The following ACOT7 variants were observed in gnomAD, a reference collection of about 807,000 sequenced individuals.
The protein encoded by ACOT7 is cytosolic acyl coenzyme A thioester hydrolase.
ACOT7 carries 12 observed loss-of-function variants against 40.2 expected under a neutral mutation model. The observed-to-expected ratio is 0.30, with a 90% CI of 0.19 to 0.48. ACOT7 has a LOEUF of 0.48. Ranked by LOEUF, ACOT7 falls within the 20% of genes least tolerant of loss-of-function variation. The pLI, the probability that ACOT7 is intolerant of heterozygous loss-of-function variation, is 0.99. For missense variants in ACOT7, 395 were observed against 530.8 expected, an observed-to-expected ratio of 0.74 and a Z score of 2.51; for synonymous variants, 228 against 219.5, an observed-to-expected ratio of 1.04 and a Z score of -0.34.
At position 6,264,544 on chromosome 1, in the gene ACOT7, C is replaced by T; in HGVS notation, c.*53G>A. 2 of 1,551,712 alleles carry T rather than the reference C, an allele frequency of 1.3e-6. No homozygotes were observed. The highest frequency in any genetic ancestry group is 2.3e-5 in the East Asian group (1 of 43,692). On this transcript the variant is annotated 3_prime_UTR_variant, in exon 9 of 9. Coordinates refer to ENST00000361521, the MANE Select transcript of ACOT7 (RefSeq NM_007274.4). ...AGGGGGGAACTTCTAAGTGACTGGACACTGGGCCCGTTGCCATGGCTACTC... is the reference window on the plus strand; with the variant it reads ...AGGGGGGAACTTCTAAGTGACTGGATACTGGGCCCGTTGCCATGGCTACTC...
chr1:6,267,489 C>G (rs1638887405), intron 8 of ACOT7, among the ~76,000 whole-genome samples: 1 of 152,202 alleles, frequency 6.6e-6, no homozygotes, highest in Non-Finnish European at 1.5e-5. Context: ...GCCTGCCTGT[C>G]TGTGTCTGCA....
intron 6 of ACOT7, among the ~76,000 whole-genome samples, chr1:6,315,230 C>A (rs144059139): frequency 6.6e-6 from 1 of 152,220 alleles, no homozygotes; most frequent in African/African-American, 2.4e-5. Flanking sequence ...CGCAGCTTTG[C>A]GCAGTCTAGA....
intron 7 of ACOT7, among the ~76,000 whole-genome samples, chr1:6,293,663 T>A (rs766502904): frequency 3.9e-5 from 6 of 152,228 alleles, no homozygotes; most frequent in Non-Finnish European, 7.3e-5. Context: ...ATTGCACCAC[T>A]GTACTCCGGC....
chr1:6,332,254 T>C (rs1371107608), intron 4 of ACOT7, among the ~76,000 whole-genome samples: 31 of 152,316 alleles, frequency 2.0e-4, no homozygotes, highest in Non-Finnish European at 1.0e-4. Flanking sequence ...TCCTGGTTCC[T>C]TCCCTCTAAG....
intron 7 of ACOT7, among the ~76,000 whole-genome samples, chr1:6,291,651 A>G (rs560281764): frequency 5.9e-5 from 9 of 152,296 alleles, no homozygotes; most frequent in African/African-American, 2.2e-4. Context: ...GATAGTCCAC[A>G]ATAATGTGTG....
chr1:6,370,533 G>A (rs994371004), intron 1 of ACOT7, among the ~76,000 whole-genome samples: 4 of 150,122 alleles, frequency 2.7e-5, no homozygotes, highest in Non-Finnish European at 5.9e-5. Flanking sequence ...TCTGTCACCT[G>A]GCCTGGAGTG....
intron 8 of ACOT7, 133 bp from the exon 9 acceptor site, chr1:6,264,828 C>A (rs1341586896): frequency 3.4e-6 from 3 of 895,418 alleles, no homozygotes; most frequent in Middle Eastern, 2.9e-4. Flanking sequence ...GAGTACCACG[C>A]CTCGGCCCCG....
At chr1:6,375,236 C>A (rs1161982458) in intron 1 of ACOT7, among the ~76,000 whole-genome samples, 2 of 145,880 alleles carry the variant, frequency 1.4e-5, no homozygotes, top group Admixed American at 6.9e-5. Context: ...GCACTCCAGC[C>A]TGGGCGACAG....
chr1:6,384,591 G>T (rs543084783), intron 1 of ACOT7, among the ~76,000 whole-genome samples: 2 of 151,964 alleles, frequency 1.3e-5, no homozygotes, highest in South Asian at 4.2e-4. Flanking sequence ...CACTAGGTGG[G>T]TGTCCTACAA....
intron 4 of ACOT7, among the ~76,000 whole-genome samples, chr1:6,328,274 A>T (rs1415037243): frequency 1.3e-5 from 2 of 152,156 alleles, no homozygotes; most frequent in Admixed American, 6.5e-5. Flanking sequence ...ATTGGTAGAG[A>T]ATGGGCAGTA....
chr1:6,342,332 A>C (rs892416493), intron 2 of ACOT7, among the ~76,000 whole-genome samples: 1 of 151,956 alleles, frequency 6.6e-6, no homozygotes, highest in African/African-American at 2.4e-5. Context: ...CCCACCCCCT[A>C]ATACCATCAC....
At chr1:6,290,021 G>A (rs1044904466) in intron 7 of ACOT7, among the ~76,000 whole-genome samples, 9 of 152,198 alleles carry the variant, frequency 5.9e-5, no homozygotes, top group African/African-American at 1.9e-4. Flanking sequence ...ATTGTTCTGG[G>A]GTACCCGGGT....
At chr1:6,285,149 G>A (rs1037984302) in intron 7 of ACOT7, among the ~76,000 whole-genome samples, 2 of 152,184 alleles carry the variant, frequency 1.3e-5, no homozygotes, top group African/African-American at 4.8e-5. Context: ...TTGACAGGCT[G>A]GACCCCTCTG....
intron 5 of ACOT7, among the ~76,000 whole-genome samples, chr1:6,326,498 T>C (rs1156255269): frequency 6.6e-6 from 1 of 152,240 alleles, no homozygotes; most frequent in Admixed American, 6.5e-5. Flanking sequence ...AAACTGGGCA[T>C]GCCACAGAGC....
At chr1:6,378,926 T>G (rs1487490308) in intron 1 of ACOT7, among the ~76,000 whole-genome samples, 1 of 151,748 alleles carries the variant, frequency 6.6e-6, no homozygotes, top group Non-Finnish European at 1.5e-5. Context: ...GACGGAGTCT[T>G]GCTCTGTTGC....
At chr1:6,333,751 T>C (rs1435078506) in intron 3 of ACOT7, among the ~76,000 whole-genome samples, 183 bp from the exon 4 acceptor site, 3 of 119,568 alleles carry the variant, frequency 2.5e-5, no homozygotes, top group African/African-American at 6.5e-5. Context: ...TTCAGCATCC[T>C]GGCTGGGGAG....
intron 1 of ACOT7, among the ~76,000 whole-genome samples, chr1:6,363,075 G>A (rs189443011): frequency 6.6e-6 from 1 of 152,152 alleles, no homozygotes; most frequent in African/African-American, 2.4e-5. Flanking sequence ...TTAATTTGTA[G>A]CAATTACTCT....
rs112091993 is a variant in ACOT7 at position 6,316,230 on chromosome 1, C to G, written c.712+2262G>C. Among the ~76,000 whole-genome samples, 720 of 152,194 alleles carry G rather than the reference C, an allele frequency of 4.7e-3. 4 individuals are homozygous for G. The highest frequency in any genetic ancestry group is 0.017 in the African/African-American group (691 of 41,506). ...AGCCTGGGCTTGGGATGGCCAGGCT[C>G]GGAAGAGGGAGCTGAGCCCACCCTG... On this transcript the variant is annotated intron_variant, in intron 6 of 8. Coordinates refer to ENST00000361521, the MANE Select transcript of ACOT7 (RefSeq NM_007274.4).
chr1:6,276,051 C>A (rs1339109327), intron 8 of ACOT7, among the ~76,000 whole-genome samples: 2 of 152,200 alleles, frequency 1.3e-5, no homozygotes, highest in East Asian at 3.9e-4. Context: ...AGGCTACAGG[C>A]TTCTCCCTGG....
Sources: gnomAD v4.1 joint callset for allele counts (sites outside exome capture counted in the v4.1 genomes callset) on GRCh38, gnomAD v4.1.1 for gene constraint, MANE v1.5 for transcripts, NCBI Gene and HGNC (gene_info 2026-07-23, HGNC 2026-07-21) for gene names.